Variants in PARD3B observed in about 807,000 individuals in gnomAD.
PARD3B encodes the protein par-3 family cell polarity regulator beta.
Under a neutral mutation model 130.2 loss-of-function variants are expected in PARD3B, and 103 were observed. The ratio of observed to expected loss-of-function variants is 0.79; its 90% CI spans 0.67 to 0.93. The LOEUF is 0.93. Among genes scored for constraint, PARD3B ranks in the 40% least tolerant of loss-of-function variants. The pLI is 0.00. For synonymous variants in PARD3B, 583 were observed against 553.2 expected (o/e 1.05, Z -0.76); for missense variants, 1,609 against 1,499.2 (o/e 1.07, Z -1.21).
At chr2:204,634,471 A>G (rs150536303) in intron 1 of PARD3B, among the ~76,000 whole-genome samples, 5 of 152,316 alleles carry the variant, frequency 3.3e-5, no homozygotes, top group African/African-American at 1.2e-4. Context: ...TTCTTGAATC[A>G]GGATTTAAAC....
chr2:204,731,274 C>T (rs1367147351), intron 2 of PARD3B, among the ~76,000 whole-genome samples: 1 of 152,192 alleles, frequency 6.6e-6, no homozygotes, highest in Non-Finnish European at 1.5e-5. Context: ...AACAAGTTTA[C>T]AATGCTTTAT....
chr2:204,947,985 G>T (rs1689468274), intron 2 of PARD3B, among the ~76,000 whole-genome samples: 1 of 152,156 alleles, frequency 6.6e-6, no homozygotes, highest in Admixed American at 6.5e-5. Flanking sequence ...TAAGTATCAG[G>T]TCTCTACAGG....
chr2:205,132,735 T>G (rs1481570090), intron 10 of PARD3B, among the ~76,000 whole-genome samples: 1 of 152,178 alleles, frequency 6.6e-6, no homozygotes, highest in African/African-American at 2.4e-5. Flanking sequence ...GCTTTGCAAT[T>G]TCATTTAGCC....
intron 20 of PARD3B, among the ~76,000 whole-genome samples, chr2:205,451,898 A>T (rs2106198019): frequency 6.6e-6 from 1 of 152,286 alleles, no homozygotes. Flanking sequence ...TTGTGCTATC[A>T]AATACTAGGT....
intron 22 of PARD3B, among the ~76,000 whole-genome samples, chr2:205,557,166 A>C (rs1441284103): frequency 6.6e-6 from 1 of 152,144 alleles, no homozygotes; most frequent in Non-Finnish European, 1.5e-5. Flanking sequence ...GTGGTCCTAC[A>C]TGCGTGGGCG....
At chr2:204,949,249 T>C (rs1389900411) in intron 2 of PARD3B, among the ~76,000 whole-genome samples, 1 of 152,128 alleles carries the variant, frequency 6.6e-6, no homozygotes, top group Non-Finnish European at 1.5e-5. Context: ...TTCTAATTGG[T>C]ATCTTTTTTT....
At chr2:205,319,814 A>T (rs2042686643) in intron 18 of PARD3B, among the ~76,000 whole-genome samples, 1 of 152,200 alleles carries the variant, frequency 6.6e-6, no homozygotes, top group East Asian at 1.9e-4. Flanking sequence ...CCATAGGCTC[A>T]TGTGACATTC....
intron 4 of PARD3B, among the ~76,000 whole-genome samples, chr2:205,051,937 T>C (rs1170783424): frequency 6.6e-6 from 1 of 152,176 alleles, no homozygotes; most frequent in Non-Finnish European, 1.5e-5. Context: ...TAATAACTGT[T>C]TATCTTTCAA....
chr2:205,507,648 C>A (rs1386379241), intron 21 of PARD3B, among the ~76,000 whole-genome samples: 5 of 152,072 alleles, frequency 3.3e-5, no homozygotes, highest in African/African-American at 1.2e-4. Flanking sequence ...GTGCTGTTAA[C>A]AGGGAAAGAG....
At chr2:205,299,810 C>A (rs1246521543) in intron 16 of PARD3B, among the ~76,000 whole-genome samples, 3 of 152,102 alleles carry the variant, frequency 2.0e-5, no homozygotes, top group African/African-American at 7.2e-5. Flanking sequence ...AAGGTTGCCT[C>A]TTTTCTAGAT....
chr2:204,636,231 C>T (rs972606666), intron 1 of PARD3B, among the ~76,000 whole-genome samples: 2 of 152,012 alleles, frequency 1.3e-5, no homozygotes, highest in Admixed American at 6.6e-5. Context: ...TCATGGTGTA[C>T]TGTAGACCCA....
At chr2:205,395,110 T>C (rs1360177543) in intron 18 of PARD3B, among the ~76,000 whole-genome samples, 1 of 152,192 alleles carries the variant, frequency 6.6e-6, no homozygotes, top group African/African-American at 2.4e-5. Flanking sequence ...TATTCTATGG[T>C]ATAAGCCAAA....
chr2:204,801,388 C>T (rs931584843), intron 2 of PARD3B, among the ~76,000 whole-genome samples: 1 of 152,040 alleles, frequency 6.6e-6, no homozygotes, highest in Non-Finnish European at 1.5e-5. Context: ...CTCTTATTTC[C>T]TTGAGCAGTG....
At chr2:205,085,008 A>G (rs1701661702) in intron 4 of PARD3B, among the ~76,000 whole-genome samples, 1 of 151,996 alleles carries the variant, frequency 6.6e-6, no homozygotes. Context: ...TAAATACCTG[A>G]TATCCTTTAG....
chr2:204,558,721 C>T (rs2031101313), intron 1 of PARD3B, among the ~76,000 whole-genome samples: 1 of 152,160 alleles, frequency 6.6e-6, no homozygotes, highest in South Asian at 2.1e-4. Context: ...CCAAAAAGAG[C>T]CCTTATTGCC....
At chr2:205,066,110 GTAAC>G (rs1261127102) in intron 4 of PARD3B, among the ~76,000 whole-genome samples, 1 of 152,174 alleles carries the variant, frequency 6.6e-6, no homozygotes, top group East Asian at 1.9e-4. Flanking sequence ...TGTATCTCAT[GTAAC>G]TAACTGACAT....
At chr2:205,261,480 C>T (rs895866342) in intron 16 of PARD3B, among the ~76,000 whole-genome samples, 1 of 152,084 alleles carries the variant, frequency 6.6e-6, no homozygotes, top group African/African-American at 2.4e-5. Context: ...CACATGAAGC[C>T]AGACATGGTT....
chr2:205,045,807 A>G (rs1005948282), intron 3 of PARD3B, among the ~76,000 whole-genome samples: 1 of 152,048 alleles, frequency 6.6e-6, no homozygotes, highest in Non-Finnish European at 1.5e-5. Context: ...ATACATATAC[A>G]TATATAAACA....
chr2:205,349,395 A>G (rs1219892165), intron 18 of PARD3B, among the ~76,000 whole-genome samples: 1 of 152,192 alleles, frequency 6.6e-6, no homozygotes, highest in Non-Finnish European at 1.5e-5. Context: ...TGCCTCTCCA[A>G]GCTCTCCTGG....
Sources: allele counts gnomAD v4.1 joint callset (sites outside exome capture counted in the v4.1 genomes callset), GRCh38; gene constraint gnomAD v4.1.1; transcripts MANE v1.5; gene names NCBI Gene and HGNC (gene_info 2026-07-23, HGNC 2026-07-21).